Variants in DNAAF19 observed in about 807,000 individuals in gnomAD.
The protein encoded by DNAAF19 is coiled-coil domain containing 103.
chr17:44,900,225 G>A, the DNAAF19 span, among the ~76,000 whole-genome samples: 1 of 151,742 alleles, frequency 6.6e-6, no homozygotes, highest in African/African-American at 2.4e-5. Context: ...GAACCCCGGA[G>A]GCAGAGGTTG....
At chr17:44,904,617 TG>T in the DNAAF19 span, 1 of 1,550,540 alleles carries the variant, frequency 6.4e-7, no homozygotes, top group Non-Finnish European at 8.7e-7. Context: ...GTGTCCAAAG[TG>T]GGCAGCCGGC....
chr17:44,904,324 C>T, the DNAAF19 span: 4 of 1,543,326 alleles, frequency 2.6e-6, no homozygotes, highest in African/African-American at 1.4e-5. Flanking sequence ...ACTATGGGCA[C>T]CTCCATGTCT....
At chr17:44,902,980 A>C in the DNAAF19 span, 2 of 1,431,218 alleles carry the variant, frequency 1.4e-6, no homozygotes, top group Non-Finnish European at 1.8e-6. Context: ...CCACTTCTCC[A>C]GTCCCTCAGT....
At chr17:44,902,914 C>T in the DNAAF19 span, 1 of 1,434,286 alleles carries the variant, frequency 7.0e-7, no homozygotes, top group South Asian at 1.5e-5. Flanking sequence ...GAAACCCACA[C>T]CTGGTTCCCT....
chr17:44,901,216 T>G, the DNAAF19 span: 1 of 1,537,060 alleles, frequency 6.5e-7, no homozygotes, highest in Non-Finnish European at 8.8e-7. Flanking sequence ...ATCAAACCAT[T>G]CTGGGCTTCA....
the DNAAF19 span, chr17:44,903,592 T>G: frequency 1.7e-5 from 24 of 1,404,378 alleles, no homozygotes; most frequent in Non-Finnish European, 2.2e-5. Context: ...GGTTCTAGAA[T>G]GGCTTTCCCC....
At chr17:44,904,998 C>T in the DNAAF19 span, 4 of 1,550,728 alleles carry the variant, frequency 2.6e-6, no homozygotes, top group African/African-American at 1.4e-5. Flanking sequence ...CTCATCACAG[C>T]AGTCTTTGTC....
At chr17:44,904,143 T>C in the DNAAF19 span, 1 of 1,550,322 alleles carries the variant, frequency 6.5e-7, no homozygotes, top group Non-Finnish European at 8.7e-7. Context: ...CGCTTCAGCA[T>C]CCGCATGTTC....
the DNAAF19 span, chr17:44,904,625 C>T: frequency 2.3e-5 from 36 of 1,550,436 alleles, no homozygotes; most frequent in African/African-American, 2.7e-5. Flanking sequence ...AGTGGGCAGC[C>T]GGCCCTGGGT....
At chr17:44,902,305 G>A in the DNAAF19 span, 1 of 1,608,332 alleles carries the variant, frequency 6.2e-7, no homozygotes, top group Non-Finnish European at 8.5e-7. Context: ...TCCCCTCCCT[G>A]TCACTGTTGC....
At chr17:44,900,478 T>C in the DNAAF19 span, among the ~76,000 whole-genome samples, 1 of 151,940 alleles carries the variant, frequency 6.6e-6, no homozygotes, top group Non-Finnish European at 1.5e-5. Context: ...TTCTACTTGA[T>C]TTCCTGCTCA....
At chr17:44,902,224 G>A in the DNAAF19 span, 225,504 of 1,163,456 alleles carry the variant, frequency 0.19, 22,877 homozygotes, top group African/African-American at 0.26. Flanking sequence ...AAATGAGGCC[G>A]CCAAGGACCA....
chr17:44,904,952 C>T, the DNAAF19 span: 25 of 1,550,668 alleles, frequency 1.6e-5, no homozygotes, highest in South Asian at 3.6e-5. Flanking sequence ...TCCTGAGACT[C>T]GCTCGGCTGT....
the DNAAF19 span, chr17:44,902,356 G>C: frequency 1.2e-6 from 2 of 1,614,154 alleles, no homozygotes; most frequent in Non-Finnish European, 1.7e-6. Flanking sequence ...TCCTTCCTTT[G>C]TGGTCCAGGA....
chr17:44,901,657 G>A, the DNAAF19 span: 1 of 1,614,038 alleles, frequency 6.2e-7, no homozygotes, highest in African/African-American at 1.3e-5. Context: ...TCCCCGGTAG[G>A]TGAGGCCCTG....
the DNAAF19 span, chr17:44,902,937 A>G: frequency 1.4e-6 from 2 of 1,433,506 alleles, no homozygotes; most frequent in Non-Finnish European, 1.8e-6. Flanking sequence ...TCAACTTGGA[A>G]TTTTCAGAGC....
chr17:44,902,458 C>G, the DNAAF19 span: 1 of 1,614,272 alleles, frequency 6.2e-7, no homozygotes, highest in Non-Finnish European at 8.5e-7. Flanking sequence ...CCAGGCTCTA[C>G]TGCAGCTTGG....
chr17:44,902,833 T>C, the DNAAF19 span: 1 of 1,522,920 alleles, frequency 6.6e-7, no homozygotes, highest in Non-Finnish European at 8.8e-7. Context: ...CAAGCTACCC[T>C]CAGAGGTCCC....
At chr17:44,901,733 T>G in the DNAAF19 span, 1 of 1,530,006 alleles carries the variant, frequency 6.5e-7, no homozygotes, top group Non-Finnish European at 8.9e-7. Context: ...TTGTTTTGTT[T>G]TGTTTTGTTT....
Sources: gnomAD v4.1 joint callset for allele counts (sites outside exome capture counted in the v4.1 genomes callset) on GRCh38, gnomAD v4.1.1 for gene constraint, MANE v1.5 for transcripts, NCBI Gene and HGNC (gene_info 2026-07-23, HGNC 2026-07-21) for gene names.